Variants in PIK3R3 observed in about 807,000 individuals in gnomAD.
PIK3R3 encodes the protein phosphoinositide-3-kinase regulatory subunit 3.
Under a neutral mutation model 62.9 loss-of-function variants are expected in PIK3R3, and 64 were observed. The observed-to-expected ratio is 1.02, with a 90% CI of 0.83 to 1.25. The LOEUF (loss-of-function observed/expected upper bound fraction) is 1.25. PIK3R3 is among the 50% of genes most tolerant of loss of function. PIK3R3 has a pLI of 0.00. For missense variants in PIK3R3, 614 were observed against 561.6 expected, an observed-to-expected ratio of 1.09 and a Z score of -0.94; for synonymous variants, 165 against 189.0, an observed-to-expected ratio of 0.87 and a Z score of 1.04.
At chr1:46,132,831 A>T (rs371822200), upstream of PIK3R3, 189 of 1,215,332 alleles carry the variant, frequency 1.6e-4, no homozygotes, top group African/African-American at 2.8e-3. Flanking sequence ...GCTGCTCTCC[A>T]TCTCGACTTT....
At chr1:46,145,479 T>C in the PIK3R3 span, among the ~76,000 whole-genome samples, 1 of 152,170 alleles carries the variant, frequency 6.6e-6, no homozygotes, top group Admixed American at 6.5e-5. Flanking sequence ...CCATTCATGG[T>C]GCAGAGTGGA....
At chr1:46,079,114 TTAAA>T (rs1650346416) in intron 2 of PIK3R3, among the ~76,000 whole-genome samples, 2 of 151,458 alleles carry the variant, frequency 1.3e-5, no homozygotes, top group African/African-American at 4.9e-5. Flanking sequence ...TAAAAAAAAA[TTAAA>T]TAAATACCAT....
At position 46,043,548 on chromosome 1, in the gene PIK3R3, T is replaced by C. The variant is rs1557544323; in HGVS notation, c.*125A>G. On this transcript the variant is annotated 3_prime_UTR_variant, in exon 10 of 10. Transcript: ENST00000262741. ...GCCGGCTGCTGCTCGGCCTCTCCAC[T>C]TCACATTCACAAAATCACTTCTTGT... 1.7e-5 allele frequency: 15 copies of C among 875,640 alleles called. No homozygotes were observed. The highest frequency in any genetic ancestry group is 2.7e-5 in the Non-Finnish European group (15 of 562,196). The allele number at this position is 875,640 out of a possible 1,614,324, so 54.2% of individuals were successfully genotyped here.
chr1:46,170,215 A>C, the PIK3R3 span, among the ~76,000 whole-genome samples: 1 of 152,148 alleles, frequency 6.6e-6, no homozygotes, highest in Non-Finnish European at 1.5e-5. Flanking sequence ...TCCTGGGCTG[A>C]TGGTAACTGC....
intron 1 of PIK3R3, among the ~76,000 whole-genome samples, chr1:46,105,876 C>A (rs538004625): frequency 1.9e-4 from 29 of 152,046 alleles, no homozygotes; most frequent in Non-Finnish European, 4.3e-4. Context: ...AAATAAAAAA[C>A]AGCTCATAAT....
intron 3 of PIK3R3, among the ~76,000 whole-genome samples, chr1:46,074,305 A>C (rs1200762119): frequency 1.7e-4 from 25 of 146,102 alleles, no homozygotes; most frequent in African/African-American, 3.6e-4. Context: ...AAAAAAAAAA[A>C]AAAAAAAAAA....
intron 6 of PIK3R3, 70 bp downstream of exon 6, chr1:46,061,859 G>T: frequency 6.9e-7 from 1 of 1,452,128 alleles, no homozygotes; most frequent in Non-Finnish European, 9.6e-7. Flanking sequence ...AAGAAAACAA[G>T]ACAGAAATTA....
In PIK3R3 at chr1:46,131,852, G is replaced by A. The variant is rs1655632579; in HGVS notation, c.101C>T (p.Pro34Leu). The A allele has an allele frequency of 5.6e-6, 9 of 1,612,246 alleles. No individual in the cohort carries two copies. The highest frequency in any genetic ancestry group is 7.6e-6 in the Non-Finnish European group (9 of 1,178,766). Residue 34 changes from proline to leucine, a missense_variant, in exon 1 of 10, where the codon CCT becomes CTT. Physicochemically the swap from Pro to Leu is moderately conservative, Grantham distance 98. Transcript: ENST00000262741. ...TELIFYIEMD[P>L]PALPPKPPKP... is the part of the protein sequence containing the mutation. ...TTTTTTTTTCTCCCAAGTACCTGGAGGATCCATTTCAATATAAAATATCAG... is the reference window on the plus strand; with the variant it reads ...TTTTTTTTTCTCCCAAGTACCTGGAAGATCCATTTCAATATAAAATATCAG...
chr1:46,127,866 A>T lies in PIK3R3; in HGVS notation c.106+3981T>A, dbSNP rs574895620. Among the ~76,000 whole-genome samples, 4 of 152,300 alleles carry T rather than the reference A, an allele frequency of 2.6e-5. No homozygotes were observed. In the South Asian group the frequency reaches 8.3e-4, roughly 32 times the overall value. ...GCATTAGCCACCACACCTAGCCAAAAATAAAAAGTTTTATGTTTCATCTGA... is the reference window on the plus strand; with the variant it reads ...GCATTAGCCACCACACCTAGCCAAATATAAAAAGTTTTATGTTTCATCTGA... On this transcript the variant is annotated intron_variant, in intron 1 of 9. Coordinates refer to ENST00000262741, the MANE Select transcript of PIK3R3 (RefSeq NM_003629.4).
chr1:46,098,030 T>C (rs943364293), intron 1 of PIK3R3, among the ~76,000 whole-genome samples: 2 of 151,478 alleles, frequency 1.3e-5, no homozygotes, highest in African/African-American at 4.9e-5. Flanking sequence ...CTAAAGCTAA[T>C]AAAAGAGTTC....
chr1:46,132,965 C>A (rs1026779960), upstream of PIK3R3: 2 of 1,105,542 alleles, frequency 1.8e-6, no homozygotes, highest in Non-Finnish European at 2.2e-6. Flanking sequence ...GCCGGGAGCA[C>A]GCGAGCCAGG....
chr1:46,063,089 AAT>A (rs1287739677), intron 5 of PIK3R3, among the ~76,000 whole-genome samples: 1 of 152,162 alleles, frequency 6.6e-6, no homozygotes, highest in African/African-American at 2.4e-5. Context: ...TCTGAACTCT[AAT>A]AAGGTTTGGT....
intron 3 of PIK3R3, among the ~76,000 whole-genome samples, chr1:46,073,723 G>A (rs1314147878): frequency 6.6e-6 from 1 of 151,480 alleles, no homozygotes. Flanking sequence ...AGGTTCAAGC[G>A]ATTCCTCTGC....
chr1:46,166,205 TTTTTCTTTTC>T, the PIK3R3 span, among the ~76,000 whole-genome samples: 496 of 151,668 alleles, frequency 3.3e-3, 5 homozygotes, highest in South Asian at 0.019. Context: ...CTTATAGGCT[TTTTTCTTTTC>T]TTTTCTTTTC....
chr1:46,141,207 A>G, the PIK3R3 span, among the ~76,000 whole-genome samples: 1 of 151,426 alleles, frequency 6.6e-6, no homozygotes, highest in East Asian at 1.9e-4. Context: ...TCATTATGGC[A>G]GCCCTAGGAA....
At chr1:46,123,602 T>G (rs1268554504) in intron 1 of PIK3R3, among the ~76,000 whole-genome samples, 1 of 152,140 alleles carries the variant, frequency 6.6e-6, no homozygotes, top group Non-Finnish European at 1.5e-5. Context: ...GACAAACTTA[T>G]AGTGAGGGGT....
chr1:46,135,321 T>G (rs892766230), upstream of PIK3R3, among the ~76,000 whole-genome samples: 1 of 152,200 alleles, frequency 6.6e-6, no homozygotes, highest in Non-Finnish European at 1.5e-5. Context: ...AGCTGCTTGT[T>G]TTCCTTTGCC....
At chr1:46,068,668 T>G (rs1649221198) in intron 3 of PIK3R3, among the ~76,000 whole-genome samples, 1 of 152,172 alleles carries the variant, frequency 6.6e-6, no homozygotes. Context: ...ACGGGAAGTT[T>G]CCTAGAGAGA....
intron 1 of PIK3R3, among the ~76,000 whole-genome samples, chr1:46,099,267 GATCA>G (rs1245101651): frequency 6.6e-6 from 1 of 152,118 alleles, no homozygotes; most frequent in Non-Finnish European, 1.5e-5. Context: ...CATACACAAA[GATCA>G]ATCAGAGAGA....
Sources: gnomAD v4.1 joint callset for allele counts (sites outside exome capture counted in the v4.1 genomes callset) on GRCh38, gnomAD v4.1.1 for gene constraint, MANE v1.5 for transcripts, NCBI Gene and HGNC (gene_info 2026-07-23, HGNC 2026-07-21) for gene names.